RAD51B: variants seen among roughly 807,000 people sequenced by gnomAD.
RAD51B encodes DNA repair protein RAD51 homolog 2.
RAD51B carries 38 observed loss-of-function variants against 42.2 expected under a neutral mutation model. The ratio of observed to expected loss-of-function variants is 0.90; its 90% CI spans 0.70 to 1.18. The LOEUF (loss-of-function observed/expected upper bound fraction) is 1.18, where lower values mean the gene tolerates loss of function less well. Ranked by LOEUF, RAD51B falls within the 50% of genes most tolerant of loss-of-function variation. RAD51B has a pLI of 0.00. For synonymous variants in RAD51B, 154 were observed against 145.2 expected, an observed-to-expected ratio of 1.06 and a Z score of -0.43; for missense variants, 373 against 400.7, an observed-to-expected ratio of 0.93 and a Z score of 0.59.
chr14:67,956,655 A>G (rs779041930), intron 7 of RAD51B, among the ~76,000 whole-genome samples: 1 of 152,360 alleles, frequency 6.6e-6, no homozygotes, highest in African/African-American at 2.4e-5. Context: ...TTAAAGGGCA[A>G]TCAATATATT....
intron 7 of RAD51B, among the ~76,000 whole-genome samples, chr14:68,265,569 G>GT (rs1187098683): frequency 2.1e-5 from 3 of 143,376 alleles, no homozygotes; most frequent in Admixed American, 2.0e-4. Flanking sequence ...GGCCAATATG[G>GT]TAAAACCCCA....
At chr14:68,338,830 G>T in intron 8 of RAD51B, 1 of 599,286 alleles carries the variant, frequency 1.7e-6, no homozygotes. Flanking sequence ...CAGTGACAGT[G>T]GATCTCATCG....
At chr14:68,228,654 T>G (rs751225470) in intron 7 of RAD51B, among the ~76,000 whole-genome samples, 7 of 152,210 alleles carry the variant, frequency 4.6e-5, no homozygotes, top group Non-Finnish European at 7.3e-5. Flanking sequence ...CATGAATGAA[T>G]GAGAATTCAG....
At chr14:68,000,265 G>A (rs2075457264) in intron 7 of RAD51B, 2 of 152,054 alleles carry the variant, frequency 1.3e-5, no homozygotes, top group African/African-American at 4.8e-5. Flanking sequence ...TCATTCCCGA[G>A]TTTCCAAGAA....
chr14:68,343,940 C>T (rs2082620288), intron 8 of RAD51B, among the ~76,000 whole-genome samples: 1 of 152,234 alleles, frequency 6.6e-6, no homozygotes, highest in African/African-American at 2.4e-5. Context: ...TGCAGGTGCA[C>T]AGAGTGCAAA....
At chr14:68,102,885 C>T (rs1469049642) in intron 7 of RAD51B, among the ~76,000 whole-genome samples, 2 of 152,196 alleles carry the variant, frequency 1.3e-5, no homozygotes, top group Non-Finnish European at 2.9e-5. Context: ...GTTTAGTTGA[C>T]TCACAGTTCC....
At chr14:68,482,132 T>G (rs1441883817), downstream of RAD51B, among the ~76,000 whole-genome samples, 4 of 151,686 alleles carry the variant, frequency 2.6e-5, no homozygotes, top group African/African-American at 9.7e-5. Flanking sequence ...AAGTAATTAC[T>G]TTTACTGAAA....
chr14:68,635,679 A>G (rs1207776865), intron 10 of RAD51B, among the ~76,000 whole-genome samples: 1 of 152,196 alleles, frequency 6.6e-6, no homozygotes, highest in African/African-American at 2.4e-5. Flanking sequence ...TTAGTCTTCA[A>G]TATCCAGAGT....
intron 7 of RAD51B, among the ~76,000 whole-genome samples, chr14:68,013,491 C>T (rs906941903): frequency 2.6e-5 from 4 of 152,244 alleles, no homozygotes; most frequent in African/African-American, 9.6e-5. Context: ...ATATGATCTG[C>T]CACAATGATA....
chr14:68,035,550 T>G (rs1213328179), intron 7 of RAD51B, among the ~76,000 whole-genome samples: 2 of 152,198 alleles, frequency 1.3e-5, no homozygotes, highest in Non-Finnish European at 2.9e-5. Context: ...GCTAGTTCTC[T>G]TTCAGAGAGA....
chr14:67,859,231 C>T (rs1338782412), intron 4 of RAD51B, among the ~76,000 whole-genome samples: 1 of 152,092 alleles, frequency 6.6e-6, no homozygotes, highest in African/African-American at 2.4e-5. Flanking sequence ...CTGCATATAT[C>T]TAGTTAGGTG....
chr14:68,519,018 T>C (rs577490654), intron 10 of RAD51B, among the ~76,000 whole-genome samples: 2 of 152,352 alleles, frequency 1.3e-5, no homozygotes, highest in African/African-American at 4.8e-5. Flanking sequence ...TACTATGGGC[T>C]TATCAGAACT....
At chr14:68,674,569 A>G (rs1426677341) in intron 11 of RAD51B, among the ~76,000 whole-genome samples, 1 of 152,156 alleles carries the variant, frequency 6.6e-6, no homozygotes, top group African/African-American at 2.4e-5. Flanking sequence ...ATCCTAAGGT[A>G]ACATACTGGT....
intron 10 of RAD51B, among the ~76,000 whole-genome samples, chr14:68,517,339 T>C (rs1444687176): frequency 6.6e-6 from 1 of 152,186 alleles, no homozygotes; most frequent in Non-Finnish European, 1.5e-5. Context: ...TAATTTTTAC[T>C]GTCTAATTTA....
intron 3 of RAD51B, among the ~76,000 whole-genome samples, chr14:67,825,945 G>A (rs1367114344): frequency 2.0e-5 from 3 of 152,182 alleles, no homozygotes; most frequent in South Asian, 2.1e-4. Context: ...GGCCAGGCTG[G>A]TCTCAAACTT....
chr14:68,163,102 G>A (rs954089630), intron 7 of RAD51B, among the ~76,000 whole-genome samples: 1 of 152,206 alleles, frequency 6.6e-6, no homozygotes, highest in Admixed American at 6.5e-5. Context: ...GGAAAGCTGT[G>A]CTTCTGTAGT....
chr14:68,366,975 A>G (rs1407961707), intron 8 of RAD51B, among the ~76,000 whole-genome samples: 2 of 152,260 alleles, frequency 1.3e-5, no homozygotes, highest in African/African-American at 4.8e-5. Context: ...TCAAACATAT[A>G]AGAAGGGGAT....
At chr14:68,143,710 C>A (rs1343284014) in intron 7 of RAD51B, among the ~76,000 whole-genome samples, 3 of 152,216 alleles carry the variant, frequency 2.0e-5, no homozygotes, top group East Asian at 1.9e-4. Flanking sequence ...TTCCAGCTGT[C>A]ACTATACTCT....
chr14:68,423,532 A>G (rs561024800), intron 9 of RAD51B, among the ~76,000 whole-genome samples: 4 of 152,298 alleles, frequency 2.6e-5, no homozygotes, highest in African/African-American at 9.6e-5. Flanking sequence ...TCTAAATCAC[A>G]TGGTTCTAAG....
Sources: gnomAD v4.1 joint callset for allele counts (sites outside exome capture counted in the v4.1 genomes callset) on GRCh38, gnomAD v4.1.1 for gene constraint, MANE v1.5 for transcripts, NCBI Gene and HGNC (gene_info 2026-07-23, HGNC 2026-07-21) for gene names.